Variants in NRG1 observed in about 807,000 individuals in gnomAD.
The protein encoded by NRG1 is neuregulin 1.
In NRG1, 18 loss-of-function variants were observed where a neutral mutation model predicts 63.8. The ratio of observed to expected loss-of-function variants is 0.28; its 90% CI spans 0.19 to 0.42. The LOEUF (loss-of-function observed/expected upper bound fraction) is 0.42, where lower values mean the gene tolerates loss of function less well. Among genes scored for constraint, NRG1 ranks in the 10% least tolerant of loss-of-function variants. NRG1 has a pLI of 1.00. For synonymous variants in NRG1, 302 were observed against 301.3 expected (o/e 1.00, Z -0.02); for missense variants, 762 against 814.7 (o/e 0.94, Z 0.79).
rs547677396 is a variant in NRG1 at position 31,931,426 on chromosome 8, C to T, written c.37+291995C>T. Among the ~76,000 whole-genome samples, 25 of 152,240 alleles carry T rather than the reference C, an allele frequency of 1.6e-4. 1 individual carries two copies. Among genetic ancestry groups the T allele is most frequent in the Admixed American group, 1.0e-3 (16 of 15,290 alleles). ...GCCCCATCACCTACTAACTGTGTGA[C>T]CTTGGGCAAGCTTTTGAACTCACCA... On this transcript the variant is annotated intron_variant, in intron 1 of 10. Coordinates refer to the NRG1 transcript ENST00000519301.
chr8:31,989,271 A>AAAAAAAT (rs1810643217), intron 1 of NRG1, among the ~76,000 whole-genome samples: 2 of 147,930 alleles, frequency 1.4e-5, no homozygotes, highest in African/African-American at 4.9e-5. Context: ...AAAAAAAAAA[A>AAAAAAAT]AAGAACAAAA....
intron 1 of NRG1, among the ~76,000 whole-genome samples, chr8:32,128,538 A>G (rs1177495804): frequency 6.6e-6 from 1 of 151,936 alleles, no homozygotes; most frequent in East Asian, 1.9e-4. Context: ...GTTTCACGTA[A>G]AATTACATGT....
chr8:31,931,978 G>C (rs903451111), intron 1 of NRG1, among the ~76,000 whole-genome samples: 1 of 152,182 alleles, frequency 6.6e-6, no homozygotes, highest in Admixed American at 6.5e-5. Context: ...CTGAGTCAGG[G>C]AAGGCTTCAG....
At chr8:31,812,393 C>T (rs1563431984) in intron 1 of NRG1, among the ~76,000 whole-genome samples, 1 of 152,160 alleles carries the variant, frequency 6.6e-6, no homozygotes, top group African/African-American at 2.4e-5. Context: ...GTGGCTGCTG[C>T]TCCTGGGACA....
chr8:32,020,137 T>A (rs1357784789), intron 1 of NRG1, among the ~76,000 whole-genome samples: 2 of 152,226 alleles, frequency 1.3e-5, no homozygotes, highest in African/African-American at 4.8e-5. Context: ...TTCTGCAGCC[T>A]ATTAACATGG....
chr8:32,304,635 A>G (rs951736513), intron 1 of NRG1, among the ~76,000 whole-genome samples: 11 of 152,200 alleles, frequency 7.2e-5, no homozygotes, highest in Non-Finnish European at 1.0e-4. Context: ...TTTAATATAA[A>G]TAATTGAATT....
At chr8:32,252,116 T>C (rs1232365429) in intron 1 of NRG1, among the ~76,000 whole-genome samples, 1 of 152,182 alleles carries the variant, frequency 6.6e-6, no homozygotes, top group Non-Finnish European at 1.5e-5. Flanking sequence ...GATGGATAGA[T>C]TGCAAAATTT....
intron 1 of NRG1, among the ~76,000 whole-genome samples, chr8:31,675,401 A>G (rs973963195): frequency 1.3e-5 from 2 of 152,210 alleles, no homozygotes; most frequent in Non-Finnish European, 2.9e-5. Context: ...TGCAGTGTCC[A>G]TAGGCAAAGA....
At chr8:32,228,556 A>G (rs566312307) in intron 1 of NRG1, among the ~76,000 whole-genome samples, 1 of 152,262 alleles carries the variant, frequency 6.6e-6, no homozygotes, top group East Asian at 1.9e-4. Flanking sequence ...TTTTTAATTT[A>G]ATTTTTCACA....
chr8:31,950,115 G>A (rs1278147949), intron 1 of NRG1, among the ~76,000 whole-genome samples: 1 of 152,180 alleles, frequency 6.6e-6, no homozygotes, highest in Non-Finnish European at 1.5e-5. Context: ...AAAATAAAGA[G>A]ACACACTGAA....
At chr8:32,461,056 A>C (rs1651477297) in intron 1 of NRG1, among the ~76,000 whole-genome samples, 2 of 152,096 alleles carry the variant, frequency 1.3e-5, no homozygotes, top group South Asian at 4.1e-4. Context: ...ATTTACCCTA[A>C]AATGTTCAGT....
chr8:32,597,855 G>A (rs1843634495), intron 2 of NRG1, among the ~76,000 whole-genome samples: 1 of 152,108 alleles, frequency 6.6e-6, no homozygotes, highest in Non-Finnish European at 1.5e-5. Context: ...ATGTGCATGA[G>A]GGGAGGAGGA....
rs561602258 is a variant in NRG1, at chr8:31,953,011, T to A, written c.37+313580T>A. Among the ~76,000 whole-genome samples, 12 of 152,362 alleles carry A rather than the reference T, an allele frequency of 7.9e-5. No homozygotes were observed. The South Asian group carries it at 1.0e-3, about 13-fold the overall frequency. ...GGCATTTCATTCTCATGGACCTACC[T>A]CTTAATATGCTTTCTTCTTAATCAG... On this transcript the variant is annotated intron_variant, in intron 1 of 10. Transcript: ENST00000519301.
At chr8:32,111,663 T>A (rs1832045276) in intron 1 of NRG1, among the ~76,000 whole-genome samples, 1 of 152,222 alleles carries the variant, frequency 6.6e-6, no homozygotes, top group African/African-American at 2.4e-5. Context: ...TATTTTGCAT[T>A]CATCTTTGAG....
intron 5 of NRG1, among the ~76,000 whole-genome samples, chr8:32,700,412 G>A (rs900239390): frequency 6.6e-6 from 1 of 151,980 alleles, no homozygotes; most frequent in Non-Finnish European, 1.5e-5. Context: ...TCAGGTCGAG[G>A]GTAAATTCTC....
intron 1 of NRG1, among the ~76,000 whole-genome samples, chr8:32,055,951 T>C (rs1822861694): frequency 6.6e-6 from 1 of 152,172 alleles, no homozygotes; most frequent in Non-Finnish European, 1.5e-5. Flanking sequence ...AGTTCACATA[T>C]TGTATTAAAT....
intron 5 of NRG1, among the ~76,000 whole-genome samples, chr8:32,665,887 A>G (rs1380849407): frequency 6.6e-6 from 1 of 152,366 alleles, no homozygotes; most frequent in South Asian, 2.1e-4. Context: ...AGTGATTAAA[A>G]CAATGTATGA....
At chr8:31,861,225 C>T (rs1489088654) in intron 1 of NRG1, among the ~76,000 whole-genome samples, 1 of 152,160 alleles carries the variant, frequency 6.6e-6, no homozygotes, top group Non-Finnish European at 1.5e-5. Flanking sequence ...CTCTCCCCTT[C>T]AGCCTGGTAC....
At chr8:32,660,487 A>C (rs886196706) in intron 5 of NRG1, among the ~76,000 whole-genome samples, 4 of 152,228 alleles carry the variant, frequency 2.6e-5, no homozygotes, top group Non-Finnish European at 5.9e-5. Context: ...CTTTGTTGAG[A>C]CATGCTTTTG....
Sources: allele counts gnomAD v4.1 joint callset (sites outside exome capture counted in the v4.1 genomes callset), GRCh38; gene constraint gnomAD v4.1.1; transcripts MANE v1.5; gene names NCBI Gene and HGNC (gene_info 2026-07-23, HGNC 2026-07-21).